Variants in ADAP2 observed in about 807,000 individuals in gnomAD.
ADAP2 encodes the protein ArfGAP with dual PH domains 2.
In ADAP2, 42 loss-of-function variants were observed where a neutral mutation model predicts 54.9. That is an observed-to-expected ratio of 0.77 (90% CI 0.60 to 0.99). The LOEUF is 0.99. Among genes scored for constraint, ADAP2 ranks in the 50% least tolerant of loss-of-function variants. ADAP2 has a pLI of 0.00. For missense variants in ADAP2, 429 were observed against 480.4 expected, an observed-to-expected ratio of 0.89 and a Z score of 1.00; for synonymous variants, 177 against 180.1, an observed-to-expected ratio of 0.98 and a Z score of 0.14.
intron 2 of ADAP2, 91 bp downstream of exon 2, chr17:30,923,161 T>G: frequency 4.1e-6 from 6 of 1,475,990 alleles, no homozygotes; most frequent in Admixed American, 3.5e-5. Context: ...AGGGGGAAAC[T>G]GAGAACCAGA....
chr17:30,957,991 A>T lies in ADAP2; in HGVS notation c.*122A>T. 7.3e-6 allele frequency: 7 copies of T among 953,080 alleles called. No individual in the cohort carries two copies. Among genetic ancestry groups the T allele is most frequent in the Non-Finnish European group, 1.2e-5 (7 of 603,988 alleles). The allele number at this position is 953,080 out of a possible 1,614,324, so 59.0% of individuals were successfully genotyped here. A position where few individuals can be genotyped will look rare whatever the true frequency, so the allele number is the denominator to read the frequency against. The stretch of plus-strand genomic sequence containing the variant: ...CAGTCAGCAGCCATTCCTGGCAGTG[A>T]ACTCTGCCAGGACTGAAGCTGTGGC... On this transcript the variant is annotated 3_prime_UTR_variant, in exon 11 of 11. Coordinates refer to ENST00000330889, the MANE Select transcript of ADAP2 (RefSeq NM_018404.3).
chr17:30,929,440 G>A (rs1020850752), intron 3 of ADAP2, among the ~76,000 whole-genome samples: 1 of 152,278 alleles, frequency 6.6e-6, no homozygotes, highest in East Asian at 1.9e-4. Context: ...GTGAACACGT[G>A]CGCTGTGCTA....
rs139125938 is a variant in ADAP2, at chr17:30,950,503, C to T, written c.741+1133C>T. Among the ~76,000 whole-genome samples the T allele has an allele frequency of 2.3e-3, 350 of 152,270 alleles. 1 individual carries two copies. Among genetic ancestry groups the T allele is most frequent in the African/African-American group, 7.9e-3 (327 of 41,554 alleles). Reference sequence around the variant, plus strand: ...TCCAGGTCATCTTCAGGGTCCCTTCCGCCTCTGAGATTCTATGCTCTGGTC... The same window carrying T: ...TCCAGGTCATCTTCAGGGTCCCTTCTGCCTCTGAGATTCTATGCTCTGGTC... On this transcript the variant is annotated intron_variant, in intron 7 of 10. Coordinates refer to ENST00000330889, the MANE Select transcript of ADAP2 (RefSeq NM_018404.3).
rs114784556 is a variant in ADAP2, at chr17:30,931,300, C to T, written c.318-589C>T. Among the ~76,000 whole-genome samples the T allele has an allele frequency of 5.2e-3, 785 of 152,220 alleles. 10 individuals are homozygous for T. The highest frequency in any genetic ancestry group is 0.018 in the African/African-American group (755 of 41,542). Reference sequence around the variant, plus strand: ...TTCCCCCAGAGGACATTTGGCAATGCCTGAAGACATTTTTGGGTGCCACAA... The same window carrying T: ...TTCCCCCAGAGGACATTTGGCAATGTCTGAAGACATTTTTGGGTGCCACAA... On this transcript the variant is annotated intron_variant, in intron 3 of 10. Transcript: ENST00000330889.
intron 8 of ADAP2, 22 bp downstream of exon 8, chr17:30,953,372 G>A (rs1226575556): frequency 6.2e-7 from 1 of 1,609,662 alleles, no homozygotes. Context: ...CACTCCCTGG[G>A]GAACTTAATA....
At chr17:30,927,430 G>A (rs1003500839) in intron 3 of ADAP2, among the ~76,000 whole-genome samples, 1 of 151,756 alleles carries the variant, frequency 6.6e-6, no homozygotes, top group Non-Finnish European at 1.5e-5. Flanking sequence ...TGGCTAACAC[G>A]GTGAAAGCCT....
intron 7 of ADAP2, 36 bp from the exon 8 acceptor site, chr17:30,953,252 G>A: frequency 6.2e-7 from 1 of 1,611,746 alleles, no homozygotes; most frequent in Non-Finnish European, 8.5e-7. Flanking sequence ...GCCTTGGGGT[G>A]TGAGTTGGGG....
chr17:30,922,027 G>C lies in ADAP2; in HGVS notation c.13G>C (p.Glu5Gln), dbSNP rs1316073001. 13 of 1,277,634 alleles carry C rather than the reference G, an allele frequency of 1.0e-5. No homozygotes were observed. The highest frequency in any genetic ancestry group is 9.8e-6 in the Non-Finnish European group (10 of 1,016,710). 79.1% of individuals were successfully genotyped at this position (1,277,634 alleles called of 1,614,324 possible). A position where few individuals can be genotyped will look rare whatever the true frequency, so the allele number is the denominator to read the frequency against. Residue 5 changes from glutamate (E) to glutamine (Q), a missense_variant, in exon 1 of 11, where the codon GAG (glutamate) becomes CAG (glutamine). Glu to Gln is a conservative substitution (Grantham distance 29). Coordinates refer to ENST00000330889, the MANE Select transcript of ADAP2 (RefSeq NM_018404.3). ...CGCCGGGCCGGCCATGGGCGATCGC[G>C]AGCGCAACAAGAAGCGGCTGCTGGA... MGDR[E>Q]RNKKRLLELL... is the part of the protein sequence containing the mutation.
At chr17:30,956,706 T>C (rs1439355374) in intron 10 of ADAP2, 1 of 551,872 alleles carries the variant, frequency 1.8e-6, no homozygotes, top group Non-Finnish European at 3.2e-6. Context: ...TTTAGAGGAG[T>C]TTGGCCCTGG....
At chr17:30,939,271 C>G (rs556905411) in intron 5 of ADAP2, among the ~76,000 whole-genome samples, 11 of 152,088 alleles carry the variant, frequency 7.2e-5, no homozygotes, top group African/African-American at 2.7e-4. Context: ...TTCAGTCCTA[C>G]GCCAGTTCAG....
chr17:30,941,928 A>G (rs1475235195), intron 5 of ADAP2, among the ~76,000 whole-genome samples: 1 of 150,512 alleles, frequency 6.6e-6, no homozygotes, highest in Non-Finnish European at 1.5e-5. Context: ...TTTTTTCGAG[A>G]TGGAGTCTTG....
chr17:30,951,932 G>A (rs1178861324), intron 7 of ADAP2, among the ~76,000 whole-genome samples: 2 of 152,200 alleles, frequency 1.3e-5, no homozygotes. Flanking sequence ...TGGGATTACA[G>A]GCGTGAGCCA....
rs929483649 is a variant in ADAP2 at position 30,956,370 on chromosome 17, A to G, written c.1012A>G (p.Arg338Gly). 2 of 1,614,180 alleles carry G rather than the reference A, an allele frequency of 1.2e-6. No homozygotes were observed. The highest frequency in any genetic ancestry group is 1.7e-6 in the Non-Finnish European group (2 of 1,180,024). ...ACTCACCATTGTCACCCCAGAGCGG[A>G]GATTTGTCCTCACTTGCCCCAGTGA... ...AGLTIVTPER[R>G]FVLTCPSEKE... is the part of the protein sequence containing the mutation. Residue 338 changes from arginine to glycine, a missense_variant, in exon 10 of 11, where the codon AGA becomes GGA. Transcript: ENST00000330889.
At chr17:30,932,529 C>T (rs1004014733) in intron 4 of ADAP2, among the ~76,000 whole-genome samples, 3 of 151,400 alleles carry the variant, frequency 2.0e-5, no homozygotes, top group African/African-American at 7.3e-5. Context: ...GCTGAGATTA[C>T]AGGCATGAGC....
At chr17:30,953,394 A>T in intron 8 of ADAP2, 44 bp downstream of exon 8, 1 of 1,581,596 alleles carries the variant, frequency 6.3e-7, no homozygotes, top group Non-Finnish European at 8.7e-7. Context: ...GGTTTAATGT[A>T]TATAGAAGGT....
At chr17:30,937,677 A>T (rs1567719347) in intron 5 of ADAP2, among the ~76,000 whole-genome samples, 1 of 152,224 alleles carries the variant, frequency 6.6e-6, no homozygotes, top group Non-Finnish European at 1.5e-5. Context: ...AGAAGTGGTC[A>T]GATTCTGGAT....
intron 5 of ADAP2, 63 bp from the exon 6 acceptor site, chr17:30,944,844 G>T: frequency 1.3e-6 from 2 of 1,530,034 alleles, no homozygotes; most frequent in Non-Finnish European, 1.8e-6. Context: ...AGGCCTTGGT[G>T]AAGGTTGACC....
chr17:30,936,144 T>TTTATTATTTTATC (rs1911855021), intron 5 of ADAP2, among the ~76,000 whole-genome samples: 2 of 152,104 alleles, frequency 1.3e-5, no homozygotes, highest in Non-Finnish European at 2.9e-5. Flanking sequence ...TTTATTTTAT[T>TTTATTATTTTATC]TTACTATTTT....
At chr17:30,938,104 C>G (rs1912019215) in intron 5 of ADAP2, among the ~76,000 whole-genome samples, 1 of 152,148 alleles carries the variant, frequency 6.6e-6, no homozygotes, top group Non-Finnish European at 1.5e-5. Flanking sequence ...GAGTAACAAA[C>G]CATCCTAAAA....
Sources: allele counts gnomAD v4.1 joint callset (sites outside exome capture counted in the v4.1 genomes callset), GRCh38; gene constraint gnomAD v4.1.1; transcripts MANE v1.5; gene names NCBI Gene and HGNC (gene_info 2026-07-23, HGNC 2026-07-21).